DIP2C: variants seen among roughly 807,000 people sequenced by gnomAD.
DIP2C encodes the protein DIP2 acetate--CoA ligase C (putative).
DIP2C carries 33 observed loss-of-function variants against 192.4 expected under a neutral mutation model. That is an observed-to-expected ratio of 0.17 (90% CI 0.13 to 0.23). DIP2C has a LOEUF of 0.23. Among genes scored for constraint, DIP2C ranks in the 10% least tolerant of loss-of-function variants. The pLI, the probability that DIP2C is intolerant of heterozygous loss-of-function variation, is 1.00. For synonymous variants in DIP2C, 979 were observed against 864.1 expected (o/e 1.13, Z -2.33); for missense variants, 1,537 against 2,110.1 (o/e 0.73, Z 5.32).
Position 689,434 on chromosome 10 carries a change from C to A in DIP2C, c.85+60G>T, listed in dbSNP as rs1037732730. ...CGCCGCAGGCCCCGCGCCCCCAGCC[C>A]TCCGCGCGCGGCCCTCCCCGGTGAC... On this transcript the variant is annotated intron_variant, in intron 1 of 36. Transcript: ENST00000280886. The surrounding 1 kb of genome is among the most constrained non-coding windows in gnomAD (Gnocchi z 6.1). 6.0e-6 allele frequency: 6 copies of A among 1,006,856 alleles called. No individual in the cohort carries two copies. Among genetic ancestry groups the A allele is most frequent in the Non-Finnish European group, 7.2e-6 (6 of 836,948 alleles). The allele number at this position is 1,006,856 out of a possible 1,614,324, so 62.4% of individuals were successfully genotyped here. A position where few individuals can be genotyped will look rare whatever the true frequency, so the allele number is the denominator to read the frequency against.
At chr10:574,860 G>A (rs909271336) in intron 1 of DIP2C, among the ~76,000 whole-genome samples, 1 of 152,190 alleles carries the variant, frequency 6.6e-6, no homozygotes, top group Non-Finnish European at 1.5e-5. Context: ...CTTTGTATGT[G>A]CAAAGCCTGC....
At chr10:531,348 G>T (rs761819048) in intron 1 of DIP2C, among the ~76,000 whole-genome samples, 1 of 151,854 alleles carries the variant, frequency 6.6e-6, no homozygotes, top group Admixed American at 6.6e-5. Flanking sequence ...TAAATGCCGC[G>T]GTCTCCTCCC....
intron 1 of DIP2C, among the ~76,000 whole-genome samples, chr10:562,946 G>A (rs918869034): frequency 1.3e-5 from 2 of 152,230 alleles, no homozygotes; most frequent in African/African-American, 4.8e-5. Context: ...ACTCTTCTGT[G>A]AACATTGACG....
intron 32 of DIP2C, among the ~76,000 whole-genome samples, chr10:295,970 T>G (rs1452086647): frequency 6.6e-6 from 1 of 152,268 alleles, no homozygotes; most frequent in African/African-American, 2.4e-5. Flanking sequence ...TGGGGTTGTT[T>G]GACTCTTTCT....
intron 1 of DIP2C, among the ~76,000 whole-genome samples, chr10:576,798 T>C (rs943827912): frequency 2.0e-5 from 3 of 152,068 alleles, no homozygotes; most frequent in Non-Finnish European, 4.4e-5. Context: ...CCCCAGCTAC[T>C]TGGGAAGCTG....
intron 6 of DIP2C, 55 bp from the exon 7 acceptor site, chr10:415,943 A>ACCCACAGTCCCACAGT (rs371035835): frequency 2.7e-5 from 43 of 1,609,410 alleles, no homozygotes; most frequent in Non-Finnish European, 3.5e-5. Context: ...TTCAATGAGC[A>ACCCACAGTCCCACAGT]CCCACAGTCC....
rs56298679 is a variant in DIP2C, at chr10:596,496, CAAAAAAAAAAAAAAA to C, written c.85+92983_85+92997del. On this transcript the variant is annotated intron_variant, in intron 1 of 36. Transcript: ENST00000280886. The stretch of plus-strand genomic sequence containing the variant: ...GGGCGACCAGTGCGAAACTCCATCT[CAAAAAAAAAAAAAAA>C]AAAAAAAAAAAAAAAGTATTAAGTT... 4.6e-3 allele frequency among the ~76,000 whole-genome samples: 244 copies of C among 52,936 alleles called. 2 individuals are homozygous for C. The highest frequency in any genetic ancestry group is 0.04 in the Middle Eastern group (2 of 50). The allele number at this position is 52,936 out of a possible 152,430, so 34.7% of individuals were successfully genotyped here. A position where few individuals can be genotyped will look rare whatever the true frequency, so the allele number is the denominator to read the frequency against.
intron 36 of DIP2C, among the ~76,000 whole-genome samples, chr10:279,471 C>A (rs1002900065): frequency 1.3e-5 from 2 of 152,228 alleles, no homozygotes; most frequent in Non-Finnish European, 2.9e-5. Context: ...GGGGTGGTGC[C>A]AGTGACTCTC....
In DIP2C at chr10:290,950, G is replaced by A. The variant is rs183605477; in HGVS notation, c.3987-2529C>T. Among the ~76,000 whole-genome samples, 385 of 152,380 alleles carry A rather than the reference G, an allele frequency of 2.5e-3. 2 individuals carry two copies. The highest frequency in any genetic ancestry group is 0.02 in the Middle Eastern group (6 of 294). ...ACAGGGATGACTTCAGACAGGGTAA[G>A]GGGGTCACTCAGGAAACAAGGCTCT... On this transcript the variant is annotated intron_variant, in intron 32 of 36. Transcript: ENST00000280886.
At chr10:381,007 G>A (rs962831954) in intron 17 of DIP2C, among the ~76,000 whole-genome samples, 1 of 152,216 alleles carries the variant, frequency 6.6e-6, no homozygotes, top group African/African-American at 2.4e-5. Flanking sequence ...AATGCAGAGA[G>A]GGATGTGTTG....
At chr10:521,902 T>G (rs999093653) in intron 1 of DIP2C, among the ~76,000 whole-genome samples, 1 of 151,492 alleles carries the variant, frequency 6.6e-6, no homozygotes, top group Non-Finnish European at 1.5e-5. Flanking sequence ...GACCAGCATG[T>G]CTGTACAAAT....
chr10:658,368 GCTGGACCTGACA>G (rs1442269614), intron 1 of DIP2C, among the ~76,000 whole-genome samples: 49 of 144,636 alleles, frequency 3.4e-4, no homozygotes, highest in African/African-American at 1.1e-3. Flanking sequence ...TGGACCTGCC[GCTGGACCTGACA>G]CTGGACCTGA....
At chr10:594,205 A>T in intron 1 of DIP2C, among the ~76,000 whole-genome samples, 1 of 152,222 alleles carries the variant, frequency 6.6e-6, no homozygotes, top group East Asian at 1.9e-4. Context: ...ACCTCGGTTA[A>T]GTCAGCTCCA....
At chr10:576,123 C>G (rs1485491419) in intron 1 of DIP2C, among the ~76,000 whole-genome samples, 2 of 152,198 alleles carry the variant, frequency 1.3e-5, no homozygotes, top group Non-Finnish European at 1.5e-5. Context: ...GACCAAGAAT[C>G]TAACTACGCT....
rs1554772102 is a variant in DIP2C at position 674,789 on chromosome 10, T to TAG, written c.85+14703_85+14704dup. Among the ~76,000 whole-genome samples, 83 of 62,482 alleles carry TAG rather than the reference T, an allele frequency of 1.3e-3. 2 individuals are homozygous for TAG. Among genetic ancestry groups the TAG allele is most frequent in the African/African-American group, 2.9e-3 (32 of 11,058 alleles). The allele number at this position is 62,482 out of a possible 152,430, so 41.0% of individuals were successfully genotyped here. ...CATCTCAAATATATATATATATATATAGAGAGAGAGAGAGAGAGAGAGAGA... is the reference window on the plus strand; with the variant it reads ...CATCTCAAATATATATATATATATATAGAGAGAGAGAGAGAGAGAGAGAGAGA... On this transcript the variant is annotated intron_variant, in intron 1 of 36. Coordinates refer to ENST00000280886, the MANE Select transcript of DIP2C (RefSeq NM_014974.3).
intron 1 of DIP2C, among the ~76,000 whole-genome samples, chr10:493,659 C>G (rs1844612638): frequency 6.6e-6 from 1 of 152,162 alleles, no homozygotes; most frequent in Non-Finnish European, 1.5e-5. Flanking sequence ...GGGAGAGACC[C>G]CCTCAGAGTT....
intron 1 of DIP2C, among the ~76,000 whole-genome samples, chr10:577,964 C>T (rs1850281977): frequency 1.3e-5 from 2 of 152,000 alleles, no homozygotes; most frequent in African/African-American, 2.4e-5. Flanking sequence ...TCAGATTATT[C>T]TTGCAATCCT....
chr10:415,965 A>T (rs1965605125), intron 6 of DIP2C, 77 bp from the exon 7 acceptor site: 3 of 1,594,504 alleles, frequency 1.9e-6, no homozygotes, highest in Admixed American at 3.4e-5. Context: ...ACAGTCCCAC[A>T]GCCCCCTCCC....
chr10:399,239 G>A lies in DIP2C; in HGVS notation c.1150-20C>T, dbSNP rs113528962. 1.4e-3 allele frequency: 2,260 copies of A among 1,608,212 alleles called. 5 individuals are homozygous for A. The highest frequency in any genetic ancestry group is 1.8e-3 in the Non-Finnish European group (2,162 of 1,174,864). On this transcript the variant is annotated intron_variant, in intron 9 of 36. Coordinates refer to ENST00000280886, the MANE Select transcript of DIP2C (RefSeq NM_014974.3). Reference sequence around the variant, plus strand: ...TGCCACCTGTGGGACAGGCCAGAGCGGGTCAGCATTAACGTGGGGTCCTGG... The same window carrying A: ...TGCCACCTGTGGGACAGGCCAGAGCAGGTCAGCATTAACGTGGGGTCCTGG...
Sources: allele counts gnomAD v4.1 joint callset (sites outside exome capture counted in the v4.1 genomes callset), GRCh38; gene constraint gnomAD v4.1.1; non-coding constraint Gnocchi (gnomAD v3.1); transcripts MANE v1.5; gene names NCBI Gene and HGNC (gene_info 2026-07-23, HGNC 2026-07-21).